The following TPO variants were observed in gnomAD, a reference collection of about 807,000 sequenced individuals.
TPO encodes the protein thyroid peroxidase, also known as thyroid microsomal antigen.
A neutral mutation model predicts 96.9 loss-of-function variants in TPO; 78 were observed. The observed-to-expected ratio is 0.81, with a 90% CI of 0.67 to 0.97. TPO has a LOEUF of 0.97. Among genes scored for constraint, TPO ranks in the 50% least tolerant of loss-of-function variants. The pLI is 0.00. For synonymous variants in TPO, 547 were observed against 538.0 expected (o/e 1.02, Z -0.23); for missense variants, 1,252 against 1,274.8 (o/e 0.98, Z 0.27).
intron 11 of TPO, among the ~76,000 whole-genome samples, chr2:1,494,422 A>G (rs1456786463): frequency 6.6e-6 from 1 of 152,246 alleles, no homozygotes; most frequent in Non-Finnish European, 1.5e-5. Context: ...AGGCGCAGAC[A>G]CAGGCCATGC....
At chr2:1,495,838 C>T (rs774856259) in intron 11 of TPO, 151 bp from the exon 12 acceptor site, 45 of 837,064 alleles carry the variant, frequency 5.4e-5, no homozygotes, top group Non-Finnish European at 8.1e-5. Context: ...AGGTCCTCAG[C>T]GCCTGCACCT....
At position 1,456,224 on chromosome 2, in the gene TPO, G is replaced by C. The variant is rs1667774381; in HGVS notation, c.761G>C (p.Gly254Ala). The C allele has an allele frequency of 6.2e-7, 1 of 1,614,116 alleles. No individual in the cohort carries two copies. Among genetic ancestry groups the C allele is most frequent in the Non-Finnish European group, 8.5e-7 (1 of 1,180,042 alleles). Reference protein sequence around the residue: ...TPQSTSKAAFGGGADCQMTCE... With the variant: ...TPQSTSKAAFAGGADCQMTCE... Reference sequence around the variant, plus strand: ...CAGAGCACCAGCAAAGCTGCCTTCGGGGGAGGGGCTGACTGCCAGATGACT... The same window carrying C: ...CAGAGCACCAGCAAAGCTGCCTTCGCGGGAGGGGCTGACTGCCAGATGACT... The change falls in exon 7 of 17, where the codon GGG (glycine) becomes GCG (alanine). Residue 254 changes from glycine (G) to alanine (A), a missense_variant. Gly to Ala is a moderately conservative substitution (Grantham distance 60, BLOSUM62 0). Transcript: ENST00000329066.
At chr2:1,534,441 A>G (rs1489153160) in intron 15 of TPO, among the ~76,000 whole-genome samples, 1 of 63,986 alleles carries the variant, frequency 1.6e-5, no homozygotes, top group East Asian at 6.3e-4. Context: ...TCACAAAATT[A>G]CCCCCAGTGC....
intron 14 of TPO, chr2:1,512,270 A>T: frequency 2.7e-6 from 1 of 364,588 alleles, no homozygotes; most frequent in Non-Finnish European, 3.8e-6. Flanking sequence ...CCTACATCTT[A>T]AGGACTCTTT....
intron 1 of TPO, among the ~76,000 whole-genome samples, chr2:1,394,881 C>T (rs568067652): frequency 2.0e-5 from 3 of 152,228 alleles, no homozygotes; most frequent in East Asian, 1.9e-4. Flanking sequence ...TTTGCAGGAG[C>T]GGAACTCAGG....
rs1331922760 is a variant in TPO, at chr2:1,456,064, C to T, written c.613-12C>T. On this transcript the variant is annotated splice_polypyrimidine_tract_variant and intron_variant, in intron 6 of 16. Coordinates refer to ENST00000329066, the MANE Select transcript of TPO (RefSeq NM_001206744.2). ...CCTCCTATGTCCTGACCAATGGTCT[C>T]TTCCTACCCAGGTCCGGGAGGTGAC... The T allele has an allele frequency of 3.1e-6, 5 of 1,612,740 alleles. No individual in the cohort carries two copies. Among genetic ancestry groups the T allele is most frequent in the Admixed American group, 1.7e-5 (1 of 59,918 alleles).
chr2:1,436,240 T>C lies in TPO; in HGVS notation c.350-12T>C. The C allele has an allele frequency of 6.2e-7, 1 of 1,614,220 alleles. No homozygotes were observed. The highest frequency in any genetic ancestry group is 8.5e-7 in the Non-Finnish European group (1 of 1,180,040). On this transcript the variant is annotated splice_polypyrimidine_tract_variant and intron_variant, in intron 4 of 16. Coordinates refer to ENST00000329066, the MANE Select transcript of TPO (RefSeq NM_001206744.2). ...TACAAGCACAGAATTCATGGTTTCC[T>C]ATTTTTCACAGATGCTTTATCAGAA...
chr2:1,448,530 C>T (rs1667028777), intron 5 of TPO, among the ~76,000 whole-genome samples: 2 of 152,208 alleles, frequency 1.3e-5, no homozygotes, highest in South Asian at 4.1e-4. Flanking sequence ...TGTCAGGCTC[C>T]TTGCACGCTG....
rs1407436612 is a variant in TPO at position 1,477,511 on chromosome 2, C to T, written c.1245C>T (p.Asn415=). The change falls in exon 8 of 17, where the codon AAC becomes AAT. Residue 415 remains asparagine (N), a synonymous_variant. Coordinates refer to ENST00000329066, the MANE Select transcript of TPO (RefSeq NM_001206744.2). The part of the protein sequence containing the change: ...ALHTLWLREH[N]RLAAALKALN... Reference sequence around the variant, plus strand: ...ACACGCTGTGGCTGCGCGAGCACAACCGCCTGGCCGCGGCGCTCAAGGCCC... The same window carrying T: ...ACACGCTGTGGCTGCGCGAGCACAATCGCCTGGCCGCGGCGCTCAAGGCCC... 6.5e-7 allele frequency: 1 copy of T among 1,532,276 alleles called. No individual in the cohort carries two copies. Among genetic ancestry groups the T allele is most frequent in the South Asian group, 1.2e-5 (1 of 83,786 alleles). 94.9% of individuals were successfully genotyped at this position (1,532,276 alleles called of 1,614,324 possible).
intron 15 of TPO, among the ~76,000 whole-genome samples, chr2:1,535,637 CT>C (rs68147917): frequency 0.98 from 41,713 of 42,458 alleles, 20,488 homozygotes; most frequent in Non-Finnish European, 0.99. Context: ...CAAATCCTCC[CT>C]CGCTGTGTGC....
At chr2:1,535,063 CT>C (rs1466771574) in intron 15 of TPO, among the ~76,000 whole-genome samples, 100 of 2,934 alleles carry the variant, frequency 0.034, 1 homozygote, top group East Asian at 0.043. Context: ...CTCCCCAAAT[CT>C]CCCCCACTCT....
chr2:1,380,202 G>A (rs1261116977), intron 1 of TPO, among the ~76,000 whole-genome samples: 1 of 152,068 alleles, frequency 6.6e-6, no homozygotes, highest in African/African-American at 2.4e-5. Flanking sequence ...AGACCATCCT[G>A]GCTAATACGG....
intron 1 of TPO, among the ~76,000 whole-genome samples, chr2:1,384,846 G>A (rs1017961178): frequency 1.3e-5 from 2 of 152,090 alleles, no homozygotes; most frequent in Admixed American, 6.5e-5. Context: ...TTGGCTGTGG[G>A]TTTGTCATAA....
At chr2:1,480,161 CTCAAT>C (rs1190009306) in intron 8 of TPO, among the ~76,000 whole-genome samples, 2 of 152,180 alleles carry the variant, frequency 1.3e-5, no homozygotes. Context: ...ATTTACCTTC[CTCAAT>C]TCATTTTCTG....
intron 3 of TPO, 103 bp downstream of exon 3, chr2:1,423,232 C>T (rs532470047): frequency 9.6e-7 from 1 of 1,045,940 alleles, no homozygotes; most frequent in South Asian, 1.3e-5. Context: ...CAGATGAAAA[C>T]CTGAAGCTTG....
intron 2 of TPO, among the ~76,000 whole-genome samples, chr2:1,422,390 C>CAGCCGCCTCTCCTGGACAGACCTCGT (rs1157281363): frequency 6.6e-6 from 1 of 150,662 alleles, no homozygotes; most frequent in Non-Finnish European, 1.5e-5. Flanking sequence ...GCAGGCGCCG[C>CAGCCGCCTCTCCTGGACAGACCTCGT]GCTGGGCCAT....
At chr2:1,532,402 T>C in intron 15 of TPO, among the ~76,000 whole-genome samples, 1 of 84,180 alleles carries the variant, frequency 1.2e-5, no homozygotes, top group Non-Finnish European at 2.3e-5. Context: ...CCCACCACTG[T>C]GAGCAACCTC....
chr2:1,393,249 C>T (rs116386079), intron 1 of TPO, among the ~76,000 whole-genome samples: 1 of 152,248 alleles, frequency 6.6e-6, no homozygotes, highest in African/African-American at 2.4e-5. Flanking sequence ...CACACTTCAA[C>T]CACCAGATCT....
chr2:1,459,495 A>C (rs192885209), intron 7 of TPO, among the ~76,000 whole-genome samples: 1 of 152,210 alleles, frequency 6.6e-6, no homozygotes, highest in Non-Finnish European at 1.5e-5. Flanking sequence ...TTTCGATCTC[A>C]TGTCCTCTCT....
Sources: allele counts gnomAD v4.1 joint callset (sites outside exome capture counted in the v4.1 genomes callset), GRCh38; gene constraint gnomAD v4.1.1; transcripts MANE v1.5; gene names NCBI Gene and HGNC (gene_info 2026-07-23, HGNC 2026-07-21).